The following ZNF678 variants were observed in gnomAD, a reference collection of about 807,000 sequenced individuals.
ZNF678 encodes the protein hypothetical protein MGC42493.
Under a neutral mutation model 3.0 loss-of-function variants are expected in ZNF678, and 5 were observed. The observed-to-expected ratio is 1.69, with a 90% CI of 0.88 to 3.56. ZNF678 has a LOEUF of 3.56. ZNF678 is among the 30% of genes most tolerant of loss of function. ZNF678 has a pLI of 0.00. For missense variants in ZNF678, 593 were observed against 605.0 expected (o/e 0.98, Z 0.21); for synonymous variants, 218 against 199.6 (o/e 1.09, Z -0.78).
At chr1:227,564,946 G>T (rs1157277316) in intron 1 of ZNF678, among the ~76,000 whole-genome samples, 1 of 151,752 alleles carries the variant, frequency 6.6e-6, no homozygotes, top group Non-Finnish European at 1.5e-5. Context: ...ATGTTGGTCA[G>T]GCTGGTCTCC....
At chr1:227,585,570 C>A (rs140794882) in intron 1 of ZNF678, among the ~76,000 whole-genome samples, 1 of 152,094 alleles carries the variant, frequency 6.6e-6, no homozygotes, top group Non-Finnish European at 1.5e-5. Flanking sequence ...GTCAAGAGAT[C>A]GAGACCATAC....
At chr1:227,639,071 C>T (rs1013489103) in intron 1 of ZNF678, among the ~76,000 whole-genome samples, 4 of 152,102 alleles carry the variant, frequency 2.6e-5, no homozygotes, top group African/African-American at 9.7e-5. Context: ...TTGGCCTGCT[C>T]GGGAAGGGAT....
At chr1:227,571,998 C>T (rs1307718317) in intron 1 of ZNF678, among the ~76,000 whole-genome samples, 2 of 152,204 alleles carry the variant, frequency 1.3e-5, no homozygotes, top group Non-Finnish European at 2.9e-5. Context: ...GCCAAGATCG[C>T]ACCACTGCAC....
rs1418204267 is a variant in ZNF678 at position 227,655,104 on chromosome 1, G to T, written c.854G>T (p.Arg285Ile). The T allele has an allele frequency of 1.2e-6, 2 of 1,611,650 alleles. No individual in the cohort carries two copies. The highest frequency in any genetic ancestry group is 3.4e-5 in the Admixed American group (2 of 59,590). Reference sequence around the variant, plus strand: ...TGCTCACACCTAACTAGACATAGGAGAATTCATACTGGAGAGAAACCCTAC... The same window carrying T: ...TGCTCACACCTAACTAGACATAGGATAATTCATACTGGAGAGAAACCCTAC... ...NECSHLTRHR[R>I]IHTGEKPYKC... The change falls in exon 4 of 4, where the codon AGA becomes ATA. Residue 285 changes from arginine to isoleucine, a missense_variant. Arg to Ile is a moderately conservative substitution (Grantham distance 97). Transcript: ENST00000343776.
intron 1 of ZNF678, among the ~76,000 whole-genome samples, chr1:227,613,056 GC>G (rs1186579690): frequency 6.6e-6 from 1 of 152,110 alleles, no homozygotes; most frequent in African/African-American, 2.4e-5. Context: ...TTTAATACCA[GC>G]AGACAGCGAT....
chr1:227,674,757 C>T (rs1352672983), intron 5 of ZNF678, among the ~76,000 whole-genome samples: 2 of 152,020 alleles, frequency 1.3e-5, no homozygotes, highest in East Asian at 3.9e-4. Flanking sequence ...CGCCTGCCAT[C>T]ACGCCCAGCT....
intron 1 of ZNF678, among the ~76,000 whole-genome samples, chr1:227,606,246 C>A (rs553436111): frequency 6.6e-6 from 1 of 151,990 alleles, no homozygotes; most frequent in African/African-American, 2.4e-5. Flanking sequence ...GGCAGGAGAA[C>A]GGGGTGAATA....
At chr1:227,564,051 C>T (rs1400374011) in intron 1 of ZNF678, among the ~76,000 whole-genome samples, 1 of 152,242 alleles carries the variant, frequency 6.6e-6, no homozygotes, top group Non-Finnish European at 1.5e-5. Flanking sequence ...GCTGTGCAGT[C>T]CATCCTTTTT....
chr1:227,609,282 C>T (rs1265232370), intron 1 of ZNF678, among the ~76,000 whole-genome samples: 1 of 151,524 alleles, frequency 6.6e-6, no homozygotes. Flanking sequence ...TGGAAAAGAA[C>T]TAAACCAAAT....
chr1:227,662,631 T>C (rs1659434970), downstream of ZNF678, among the ~76,000 whole-genome samples: 1 of 152,114 alleles, frequency 6.6e-6, no homozygotes, highest in South Asian at 2.1e-4. Context: ...CTCAAACTTA[T>C]CTGTTAAACA....
At chr1:227,586,368 A>G (rs543968719) in intron 1 of ZNF678, among the ~76,000 whole-genome samples, 28 of 152,326 alleles carry the variant, frequency 1.8e-4, no homozygotes, top group South Asian at 4.1e-4. Context: ...TTAAAAGCCT[A>G]AAGAAAAATG....
At chr1:227,678,805 G>T (rs918948199), downstream of ZNF678, among the ~76,000 whole-genome samples, 2 of 152,146 alleles carry the variant, frequency 1.3e-5, no homozygotes, top group Non-Finnish European at 2.9e-5. Flanking sequence ...ATGAATTTAG[G>T]CCTAAAACCA....
In ZNF678 at chr1:227,672,139, G is replaced by A. The variant is rs543226438; in HGVS notation, c.227-5040G>A. On this transcript the variant is annotated intron_variant, in intron 5 of 5. Coordinates refer to the ZNF678 transcript ENST00000608949. ...TTGAAAAAAACTCAGGAAGGGCTTT[G>A]ATGTACAGGCTTAATTTGAATTTTA... is the stretch of plus-strand genomic sequence containing the variant. Among the ~76,000 whole-genome samples, 18 of 152,334 alleles carry A rather than the reference G, an allele frequency of 1.2e-4. No homozygotes were observed. The South Asian group carries it at 3.7e-3, about 32-fold the overall frequency.
Position 227,655,433 on chromosome 1 carries a change from C to T in ZNF678, c.1183C>T (p.His395Tyr). 1.2e-6 allele frequency: 2 copies of T among 1,612,536 alleles called. No homozygotes were observed. Among genetic ancestry groups the T allele is most frequent in the Non-Finnish European group, 1.7e-6 (2 of 1,179,234 alleles). ...TAACAAGTTCTCAAGCCTTACTCAA[C>T]ATAGGAGAATTCATACTGGAGTGAA... Reference protein sequence around the residue: ...AFNKFSSLTQHRRIHTGVKPY... With the variant: ...AFNKFSSLTQYRRIHTGVKPY... The change falls in exon 4 of 4, where the codon CAT becomes TAT. Residue 395 changes from histidine (H) to tyrosine (Y), a missense_variant. By Grantham distance (83) the His-to-Tyr change is moderately conservative. Transcript: ENST00000343776.
At chr1:227,582,496 T>TTTC (rs1302628147) in intron 1 of ZNF678, 1 of 150,380 alleles carries the variant, frequency 6.6e-6, no homozygotes, top group African/African-American at 2.5e-5. Context: ...AATTTTTTTT[T>TTTC]TTTTTTTTTT....
downstream of ZNF678, among the ~76,000 whole-genome samples, chr1:227,679,614 CT>C (rs1355916388): frequency 1.3e-5 from 2 of 151,926 alleles, no homozygotes; most frequent in Non-Finnish European, 2.9e-5. Context: ...GAGCTCAGCT[CT>C]TGAGACAGGA....
intron 1 of ZNF678, among the ~76,000 whole-genome samples, chr1:227,605,675 A>T (rs139308275): frequency 4.6e-5 from 7 of 152,338 alleles, no homozygotes; most frequent in African/African-American, 1.7e-4. Flanking sequence ...ATGTTATCAC[A>T]TCTTGATCTT....
At chr1:227,669,672 A>G (rs1571928106) in intron 5 of ZNF678, among the ~76,000 whole-genome samples, 1 of 150,402 alleles carries the variant, frequency 6.6e-6, no homozygotes, top group African/African-American at 2.4e-5. Context: ...ACCATCTCCC[A>G]CCGGTCAGAA....
intron 1 of ZNF678, among the ~76,000 whole-genome samples, chr1:227,572,289 A>G (rs1323500675): frequency 1.3e-5 from 2 of 152,286 alleles, no homozygotes; most frequent in African/African-American, 4.8e-5. Context: ...GAGATGGTCT[A>G]CAATAAATCT....
Sources: allele counts gnomAD v4.1 joint callset (sites outside exome capture counted in the v4.1 genomes callset), GRCh38; gene constraint gnomAD v4.1.1; transcripts MANE v1.5; gene names NCBI Gene and HGNC (gene_info 2026-07-23, HGNC 2026-07-21).